The following ASB3 variants were observed in gnomAD, a reference collection of about 807,000 sequenced individuals.
ASB3 encodes the protein ankyrin repeat and SOCS box protein 3.
ASB3 carries 41 observed loss-of-function variants against 54.5 expected under a neutral mutation model. The ratio of observed to expected loss-of-function variants is 0.75; its 90% CI spans 0.59 to 0.98. The LOEUF (loss-of-function observed/expected upper bound fraction) is 0.98. ASB3 is among the 50% of genes least tolerant of loss of function. ASB3 has a pLI of 0.00. For missense variants in ASB3, 733 were observed against 620.0 expected (o/e 1.18, Z -1.94); for synonymous variants, 266 against 221.2 (o/e 1.20, Z -1.80).
intron 1 of ASB3, chr2:53,786,325 G>A (rs1223555921): frequency 6.6e-6 from 1 of 152,142 alleles, no homozygotes; most frequent in African/African-American, 2.4e-5. Context: ...CTTCAATCTA[G>A]AGATGGAGGG....
intron 1 of ASB3, chr2:53,771,950 A>G: frequency 6.8e-7 from 1 of 1,470,064 alleles, no homozygotes; most frequent in Non-Finnish European, 9.2e-7. Context: ...GCGGTATGGT[A>G]TAAATATTCT....
At chr2:53,752,273 T>A (rs1462853096) in intron 2 of ASB3, among the ~76,000 whole-genome samples, 2 of 152,218 alleles carry the variant, frequency 1.3e-5, no homozygotes, top group Non-Finnish European at 2.9e-5. Context: ...GCTCCTTAGT[T>A]CAGCTAAAAT....
chr2:53,682,165 A>AG (rs917803289), intron 9 of ASB3, among the ~76,000 whole-genome samples: 1 of 151,966 alleles, frequency 6.6e-6, no homozygotes, highest in African/African-American at 2.4e-5. Flanking sequence ...GTCTCAAAAA[A>AG]AAAAAAAAAA....
intron 9 of ASB3, among the ~76,000 whole-genome samples, chr2:53,682,816 T>C (rs2357492): frequency 0.25 from 38,478 of 152,140 alleles, 4,952 homozygotes; most frequent in Non-Finnish European, 0.26. Flanking sequence ...AATTTTTGTA[T>C]GTTGATTTTG....
Position 53,765,390 on chromosome 2 carries a change from C to T in ASB3, c.183G>A (p.Met61Ile). The part of the protein sequence containing the change: ...AYHNSVECLQ[M>I]LINADSSENY... ...AATTTACTTTACCTGCATTAATTAA[C>T]ATTTGCAAACATTCTACAGAGTTGT... The change falls in exon 2 of 10, where the codon ATG becomes ATA. Residue 61 changes from methionine to isoleucine, a missense_variant. By Grantham distance (10) the Met-to-Ile change is conservative. Coordinates refer to ENST00000263634, the MANE Select transcript of ASB3 (RefSeq NM_016115.5). The T allele has an allele frequency of 1.2e-6, 2 of 1,614,208 alleles. No homozygotes were observed. The highest frequency in any genetic ancestry group is 1.7e-6 in the Non-Finnish European group (2 of 1,180,016).
At chr2:53,687,998 T>C (rs1159869190) in intron 9 of ASB3, among the ~76,000 whole-genome samples, 2 of 152,138 alleles carry the variant, frequency 1.3e-5, no homozygotes, top group African/African-American at 4.8e-5. Flanking sequence ...TCTTATTTTA[T>C]TTTGTAGAGA....
chr2:53,688,029 C>G (rs1309120294), intron 9 of ASB3, among the ~76,000 whole-genome samples: 1 of 152,054 alleles, frequency 6.6e-6, no homozygotes, highest in Non-Finnish European at 1.5e-5. Flanking sequence ...CCATGTTGCC[C>G]AACTGGTCTT....
intron 3 of ASB3, among the ~76,000 whole-genome samples, chr2:53,747,433 C>G (rs896416603): frequency 3.3e-5 from 5 of 152,112 alleles, no homozygotes; most frequent in Non-Finnish European, 5.9e-5. Context: ...GTAATCCCAG[C>G]TACTCGGGAG....
chr2:53,738,261 T>G (rs1405526370), intron 3 of ASB3, among the ~76,000 whole-genome samples: 1 of 152,218 alleles, frequency 6.6e-6, no homozygotes, highest in South Asian at 2.1e-4. Context: ...CGCCTTTTTA[T>G]GTGAGACCCA....
intron 1 of ASB3, among the ~76,000 whole-genome samples, chr2:53,776,925 CAATT>C (rs1189934929): frequency 6.6e-6 from 1 of 152,150 alleles, no homozygotes; most frequent in African/African-American, 2.4e-5. Context: ...CTTCCAAAGA[CAATT>C]AAAATACCAA....
chr2:53,759,778 G>A (rs1300027946), intron 2 of ASB3, among the ~76,000 whole-genome samples: 1 of 152,168 alleles, frequency 6.6e-6, no homozygotes, highest in Non-Finnish European at 1.5e-5. Context: ...GGGAATCATT[G>A]GAAGGCCCAC....
At position 53,728,742 on chromosome 2, in the gene ASB3, G is replaced by C. The variant is rs755652553; in HGVS notation, c.574C>G (p.Leu192Val). 2 of 1,609,214 alleles carry C rather than the reference G, an allele frequency of 1.2e-6. No homozygotes were observed. Among genetic ancestry groups the C allele is most frequent in the South Asian group, 2.2e-5 (2 of 90,108 alleles). Residue 192 changes from leucine (L) to valine (V), a missense_variant, in exon 5 of 10, where the codon CTA becomes GTA. By Grantham distance (32) the Leu-to-Val change is conservative. Transcript: ENST00000263634. Reference sequence around the variant, plus strand: ...GAAATAAGTATGCTCAAGCTTTCTAGCTTGCCATACTGAGCAGCCACAAAT... The same window carrying C: ...GAAATAAGTATGCTCAAGCTTTCTACCTTGCCATACTGAGCAGCCACAAAT... ...PLFVAAQYGK[L>V]ESLSILISSG... is the part of the protein sequence containing the mutation.
chr2:53,720,174 C>T (rs890352242), intron 5 of ASB3, among the ~76,000 whole-genome samples: 3 of 151,360 alleles, frequency 2.0e-5, no homozygotes, highest in Non-Finnish European at 4.4e-5. Context: ...TGTCTCCTAC[C>T]TACCTATGAC....
Position 53,750,994 on chromosome 2 carries a change from T to A in ASB3, c.197-53A>T, listed in dbSNP as rs1672481436. ...AGAAGGTATTACTTCTATTTCCTGG[T>A]TTTAAAAAGCAAAGATTCCAAGAGG... is the stretch of plus-strand genomic sequence containing the variant. On this transcript the variant is annotated intron_variant, in intron 2 of 9. Transcript: ENST00000263634. 2.1e-6 allele frequency: 3 copies of A among 1,407,896 alleles called. No homozygotes were observed. The African/African-American group carries it at 4.4e-5, about 21-fold the overall frequency. The allele number at this position is 1,407,896 out of a possible 1,614,324, so 87.2% of individuals were successfully genotyped here. A position where few individuals can be genotyped will look rare whatever the true frequency, so the allele number is the denominator to read the frequency against.
At chr2:53,678,502 T>C (rs537931453) in intron 9 of ASB3, among the ~76,000 whole-genome samples, 1 of 152,320 alleles carries the variant, frequency 6.6e-6, no homozygotes, top group East Asian at 1.9e-4. Context: ...TTGTGAGAAG[T>C]GGTTAAATTA....
In ASB3 at chr2:53,700,514, C is replaced by G; in HGVS notation, c.995G>C (p.Gly332Ala). 1 of 1,609,084 alleles carries G rather than the reference C, an allele frequency of 6.2e-7. No homozygotes were observed. The highest frequency in any genetic ancestry group is 8.5e-7 in the Non-Finnish European group (1 of 1,178,212). ...ATATTTCAAAAGAATGTTCACAATT[C>G]CAAAGAACTCACAGCTCCACCATAA... ...MAFQKDCEFF[G>A]IVNILLKYGA... Residue 332 changes from glycine (G) to alanine (A), a missense_variant, in exon 8 of 10, where the codon GGA (glycine) becomes GCA (alanine). Coordinates refer to ENST00000263634, the MANE Select transcript of ASB3 (RefSeq NM_016115.5).
chr2:53,731,272 C>T (rs76733340), intron 3 of ASB3, among the ~76,000 whole-genome samples: 12,834 of 152,032 alleles, frequency 0.084, 593 homozygotes, highest in East Asian at 0.15. Context: ...CATGGTGGCA[C>T]GCACCTGTAA....
At chr2:53,712,491 C>G (rs1322416972) in intron 7 of ASB3, among the ~76,000 whole-genome samples, 1 of 152,146 alleles carries the variant, frequency 6.6e-6, no homozygotes, top group Admixed American at 6.5e-5. Flanking sequence ...ATCCAGAAAC[C>G]TATTTAAGAT....
intron 1 of ASB3, chr2:53,768,288 C>T (rs1469279493): frequency 2.4e-6 from 1 of 417,166 alleles, no homozygotes; most frequent in South Asian, 4.2e-5. Context: ...CGAGCTCGCA[C>T]CAGGCTGAGT....
Sources: allele counts gnomAD v4.1 joint callset (sites outside exome capture counted in the v4.1 genomes callset), GRCh38; gene constraint gnomAD v4.1.1; transcripts MANE v1.5; gene names NCBI Gene and HGNC (gene_info 2026-07-23, HGNC 2026-07-21).